Variants in LRRC37A2 observed in about 807,000 individuals in gnomAD.
LRRC37A2 encodes leucine-rich repeat-containing protein 37A2.
Under a neutral mutation model 68.8 loss-of-function variants are expected in LRRC37A2, and 9 were observed. That is an observed-to-expected ratio of 0.13 (90% confidence interval 0.08 to 0.23). LRRC37A2 has a LOEUF of 0.23. LRRC37A2 is among the 10% of genes least tolerant of loss of function. LRRC37A2 has a pLI of 1.00. For synonymous variants in LRRC37A2, 63 were observed against 367.6 expected, an observed-to-expected ratio of 0.17 and a Z score of 9.48; for missense variants, 168 against 950.4, an observed-to-expected ratio of 0.18 and a Z score of 10.82.
At chr17:46,978,955 CCCACGCCGT>C in the LRRC37A2 span, 339 of 1,454,432 alleles carry the variant, frequency 2.3e-4, 1 homozygote, top group African/African-American at 4.3e-3. Flanking sequence ...GGCGCCGCCG[CCCACGCCGT>C]CCACCTCCTC....
At chr17:46,586,385 C>CAG in the LRRC37A2 span, among the ~76,000 whole-genome samples, 1 of 19,410 alleles carries the variant, frequency 5.2e-5, no homozygotes, top group African/African-American at 6.3e-5. Context: ...CTCTGTCACA[C>CAG]ACACACACAC....
At chr17:46,870,421 G>A in the LRRC37A2 span, among the ~76,000 whole-genome samples, 5 of 152,222 alleles carry the variant, frequency 3.3e-5, no homozygotes, top group African/African-American at 1.2e-4. Flanking sequence ...AGGGGTTTGG[G>A]TGTAGACCTG....
chr17:46,977,168 C>T, the LRRC37A2 span, among the ~76,000 whole-genome samples: 10 of 152,194 alleles, frequency 6.6e-5, no homozygotes, highest in Non-Finnish European at 1.0e-4. Flanking sequence ...TGCCAAGCCT[C>T]TCCCTAATGA....
At chr17:46,835,784 G>A in the LRRC37A2 span, among the ~76,000 whole-genome samples, 2 of 152,380 alleles carry the variant, frequency 1.3e-5, no homozygotes, top group South Asian at 4.1e-4. Context: ...TGGGTTGGAG[G>A]GAAGGGAGGA....
At chr17:46,864,981 C>T in the LRRC37A2 span, among the ~76,000 whole-genome samples, 1 of 152,190 alleles carries the variant, frequency 6.6e-6, no homozygotes, top group Non-Finnish European at 1.5e-5. Flanking sequence ...TACATTTGGA[C>T]TCAGCCTAGG....
At chr17:46,781,232 CA>C in the LRRC37A2 span, among the ~76,000 whole-genome samples, 119,846 of 143,958 alleles carry the variant, frequency 0.83, 49,784 homozygotes, top group East Asian at 1. Flanking sequence ...TCCCCCCAAC[CA>C]AAAAAAAAAA....
chr17:46,988,008 C>G, the LRRC37A2 span, among the ~76,000 whole-genome samples: 1 of 152,110 alleles, frequency 6.6e-6, no homozygotes, highest in Non-Finnish European at 1.5e-5. Flanking sequence ...CGTGTCTCTA[C>G]TAAAAATACA....
chr17:46,622,241 A>G, the LRRC37A2 span, among the ~76,000 whole-genome samples: 1 of 143,412 alleles, frequency 7.0e-6, no homozygotes, highest in Non-Finnish European at 1.5e-5. Context: ...GTGGATCACA[A>G]GGTCAGGAGA....
chr17:46,941,992 C>G, the LRRC37A2 span: 1 of 977,668 alleles, frequency 1.0e-6, no homozygotes, highest in African/African-American at 1.8e-5. Context: ...TTGTTAAGTC[C>G]AAAATAAATT....
chr17:46,811,948 C>A, the LRRC37A2 span, among the ~76,000 whole-genome samples: 1 of 152,140 alleles, frequency 6.6e-6, no homozygotes, highest in Non-Finnish European at 1.5e-5. Flanking sequence ...CAGAGCAAGG[C>A]TCTGTTTCAA....
the LRRC37A2 span, chr17:46,851,647 C>T: frequency 6.2e-6 from 8 of 1,281,240 alleles, no homozygotes; most frequent in East Asian, 1.9e-4. The surrounding 1 kb of genome is among the most constrained non-coding windows in gnomAD (Gnocchi z 4.3). Context: ...CCATGCGCCC[C>T]CCGCCCGCGC....
the LRRC37A2 span, among the ~76,000 whole-genome samples, chr17:46,403,655 G>A: frequency 2.3e-5 from 2 of 86,606 alleles, 1 homozygote; most frequent in African/African-American, 6.7e-5. Flanking sequence ...GAATGAAGCT[G>A]TTAAAGGCTT....
chr17:46,815,055 T>C, the LRRC37A2 span, among the ~76,000 whole-genome samples: 1 of 152,038 alleles, frequency 6.6e-6, no homozygotes, highest in African/African-American at 2.4e-5. Flanking sequence ...TGGTCCTCAG[T>C]CACACAGCGG....
At chr17:46,472,893 C>A in the LRRC37A2 span, among the ~76,000 whole-genome samples, 3 of 56,114 alleles carry the variant, frequency 5.3e-5, 1 homozygote, top group Admixed American at 1.7e-4. Flanking sequence ...CCAGCCTGGG[C>A]AACAGAGTGA....
chr17:46,798,447 T>C, the LRRC37A2 span, among the ~76,000 whole-genome samples: 1 of 152,220 alleles, frequency 6.6e-6, no homozygotes, highest in Non-Finnish European at 1.5e-5. Flanking sequence ...TATTATGTAA[T>C]AAAAATATTT....
chr17:46,719,838 CAGAT>C, the LRRC37A2 span, among the ~76,000 whole-genome samples: 1 of 152,258 alleles, frequency 6.6e-6, no homozygotes, highest in Non-Finnish European at 1.5e-5. This position sits in a 1 kb window ranked among gnomAD's most constrained non-coding sequence, Gnocchi z 4.3. Context: ...GTAGAACAAT[CAGAT>C]AGAACTAAAT....
chr17:46,947,247 C>T, the LRRC37A2 span, among the ~76,000 whole-genome samples: 2 of 152,170 alleles, frequency 1.3e-5, no homozygotes, highest in African/African-American at 4.8e-5. Context: ...GCTCAGGAAG[C>T]AGGGCAGCCT....
the LRRC37A2 span, among the ~76,000 whole-genome samples, chr17:46,748,448 G>A: frequency 2.0e-5 from 3 of 152,134 alleles, no homozygotes; most frequent in Non-Finnish European, 4.4e-5. Context: ...AAACTATTAA[G>A]ACAAAGGATA....
At chr17:46,966,939 G>A in the LRRC37A2 span, 1 of 380,876 alleles carries the variant, frequency 2.6e-6, no homozygotes. Flanking sequence ...TCTGGCTAGA[G>A]AAAATGCTCA....
Sources: gnomAD v4.1 joint callset for allele counts (sites outside exome capture counted in the v4.1 genomes callset) on GRCh38, gnomAD v4.1.1 for gene constraint, Gnocchi (gnomAD v3.1) non-coding constraint, MANE v1.5 for transcripts, NCBI Gene and HGNC (gene_info 2026-07-23, HGNC 2026-07-21) for gene names.